NFATC3: variants seen among roughly 807,000 people sequenced by gnomAD.
NFATC3 encodes the protein nuclear factor of activated T-cells, cytoplasmic 3.
NFATC3 carries 46 observed loss-of-function variants against 98.6 expected under a neutral mutation model. The ratio of observed to expected loss-of-function variants is 0.47; its 90% CI spans 0.37 to 0.60. NFATC3 has a LOEUF of 0.60. Among genes scored for constraint, NFATC3 ranks in the 20% least tolerant of loss-of-function variants. The pLI is 0.00. For missense variants in NFATC3, 1,256 were observed against 1,295.5 expected, an observed-to-expected ratio of 0.97 and a Z score of 0.47; for synonymous variants, 512 against 472.2, an observed-to-expected ratio of 1.08 and a Z score of -1.09.
chr16:68,121,091 CA>C (rs528510702), intron 1 of NFATC3, among the ~76,000 whole-genome samples: 7,557 of 139,804 alleles, frequency 0.054, 516 homozygotes, highest in African/African-American at 0.17. Context: ...GTAAATGGGC[CA>C]AAAAAAAAAA....
intron 3 of NFATC3, among the ~76,000 whole-genome samples, chr16:68,137,408 A>G (rs1391774343): frequency 1.3e-5 from 2 of 152,090 alleles, no homozygotes; most frequent in African/African-American, 2.4e-5. Context: ...TACCTGTGGG[A>G]CCACCATTAT....
chr16:68,179,993 C>T lies in NFATC3; in HGVS notation c.1916-1482C>T, dbSNP rs557135035. 9.2e-5 allele frequency among the ~76,000 whole-genome samples: 14 copies of T among 152,290 alleles called. No individual in the cohort carries two copies. The South Asian group carries it at 1.5e-3, about 16-fold the overall frequency. On this transcript the variant is annotated intron_variant, in intron 6 of 9. Transcript: ENST00000346183. The stretch of plus-strand genomic sequence containing the variant: ...TATGGTGCTCCCAAGAAAGCTTCCC[C>T]GCCTGCACCCCAAGAAAGCTTTCAT...
At chr16:68,162,911 C>T (rs979793843) in intron 4 of NFATC3, among the ~76,000 whole-genome samples, 5 of 151,032 alleles carry the variant, frequency 3.3e-5, no homozygotes, top group African/African-American at 1.2e-4. Flanking sequence ...GTGTTTGTGT[C>T]CCTGGGTACT....
At position 68,129,138 on chromosome 16, in the gene NFATC3, G is replaced by A. The variant is rs151231040; in HGVS notation, c.1401+2528G>A. Among the ~76,000 whole-genome samples, 773 of 152,062 alleles carry A rather than the reference G, an allele frequency of 5.1e-3. 8 individuals are homozygous for A. Among genetic ancestry groups the A allele is most frequent in the African/African-American group, 0.017 (700 of 41,476 alleles). ...TAGCCAAGTACAATAAGTAGCATGC[G>A]CCTGTAGTCCCAGCTCTTTCAGAAG... On this transcript the variant is annotated intron_variant, in intron 3 of 9. Coordinates refer to ENST00000346183, the MANE Select transcript of NFATC3 (RefSeq NM_173165.3).
At position 68,190,770 on chromosome 16, in the gene NFATC3, T is replaced by G. The variant is rs754877160; in HGVS notation, c.2101T>G (p.Leu701Val). ...QSQRFTYTPVLMKQEHREEID... is the reference protein window; with the variant it reads ...QSQRFTYTPVVMKQEHREEID... ...TGCTTTAATCATTTTCTTTTCAGTT[T>G]TGATGAAGCAAGAACACAGAGAAGA... is the stretch of plus-strand genomic sequence containing the variant. The change falls in exon 9 of 10, where the codon TTG becomes GTG. Residue 701 changes from leucine (L) to valine (V), a missense_variant and splice_region_variant. Around this residue, in one of 3 missense-constraint regions of NFATC3, gnomAD observed 636 missense variants for 617.3 expected, o/e 1.03. Coordinates refer to ENST00000346183, the MANE Select transcript of NFATC3 (RefSeq NM_173165.3). 6.3e-7 allele frequency: 1 copy of G among 1,590,200 alleles called. No homozygotes were observed. The highest frequency in any genetic ancestry group is 1.1e-5 in the South Asian group (1 of 87,884).
intron 5 of NFATC3, among the ~76,000 whole-genome samples, chr16:68,167,748 A>C (rs1283800482): frequency 6.7e-6 from 1 of 150,014 alleles, no homozygotes; most frequent in African/African-American, 2.5e-5. Context: ...GCTGCCTAGA[A>C]AACAGGTTTT....
At chr16:68,143,681 T>G (rs1040308445) in intron 3 of NFATC3, among the ~76,000 whole-genome samples, 1 of 152,004 alleles carries the variant, frequency 6.6e-6, no homozygotes, top group Admixed American at 6.6e-5. Flanking sequence ...AAGCCCCATC[T>G]CTACTAAAAA....
intron 1 of NFATC3, among the ~76,000 whole-genome samples, chr16:68,090,304 C>T (rs2034634233): frequency 7.3e-6 from 1 of 137,380 alleles, no homozygotes; most frequent in Non-Finnish European, 1.6e-5. Flanking sequence ...AACCCCCCCC[C>T]CCCAACATTT....
chr16:68,199,046 CAAAAAG>C (rs1182587888), intron 9 of NFATC3, among the ~76,000 whole-genome samples: 3 of 150,606 alleles, frequency 2.0e-5, no homozygotes, highest in African/African-American at 7.3e-5. Context: ...GACTCCATCT[CAAAAAG>C]AAAAAGAAAA....
At chr16:68,199,373 G>A (rs1440656523) in intron 9 of NFATC3, among the ~76,000 whole-genome samples, 2 of 148,488 alleles carry the variant, frequency 1.3e-5, no homozygotes, top group Admixed American at 6.7e-5. Flanking sequence ...ACAGGCGCCC[G>A]CCACCACGCC....
chr16:68,101,151 CT>C (rs149826433), intron 1 of NFATC3, among the ~76,000 whole-genome samples: 1 of 151,526 alleles, frequency 6.6e-6, no homozygotes, highest in Non-Finnish European at 1.5e-5. Flanking sequence ...CTTTTCTTTT[CT>C]TTTTTTTGAG....
At chr16:68,203,889 A>G (rs899576880) in intron 9 of NFATC3, among the ~76,000 whole-genome samples, 3 of 151,966 alleles carry the variant, frequency 2.0e-5, no homozygotes, top group African/African-American at 7.2e-5. Context: ...CGTCTCTACT[A>G]AAAACAGTAA....
chr16:68,157,641 A>C (rs548945741), intron 3 of NFATC3, among the ~76,000 whole-genome samples: 2 of 152,306 alleles, frequency 1.3e-5, no homozygotes, highest in South Asian at 2.1e-4. Flanking sequence ...TTAAAAAAAC[A>C]AAACCAAACC....
chr16:68,155,203 A>G (rs1330753539), intron 3 of NFATC3, among the ~76,000 whole-genome samples: 1 of 152,218 alleles, frequency 6.6e-6, no homozygotes, highest in Non-Finnish European at 1.5e-5. Flanking sequence ...AGGCGGGAAT[A>G]AAACTCACCT....
intron 1 of NFATC3, 101 bp from the exon 2 acceptor site, chr16:68,121,886 G>C (rs910198549): frequency 5.1e-6 from 7 of 1,364,786 alleles, no homozygotes; most frequent in Non-Finnish European, 6.9e-6. Context: ...TTTTTCTCTC[G>C]AGATTGTTAT....
rs71382034 is a variant in NFATC3, at chr16:68,192,261, G to GTATATATATATATGTATGTGTA, written c.3106+497_3106+498insATGTATGTGTATATATATATAT. 1.2e-4 allele frequency: 12 copies of GTATATATATATATGTATGTGTA among 101,400 alleles called. 1 individual carries two copies. The East Asian group carries it at 1.4e-3, about 12-fold the overall frequency. The allele number at this position is 101,400 out of a possible 1,614,324, so 6.3% of individuals were successfully genotyped here. A position where few individuals can be genotyped will look rare whatever the true frequency, so the allele number is the denominator to read the frequency against. ...TATATATATATATATATATGTATGT[G>GTATATATATATATGTATGTGTA]TATATATATATGTATGTGTATATAT... On this transcript the variant is annotated intron_variant, in intron 9 of 9. Transcript: ENST00000346183.
At position 68,191,483 on chromosome 16, in the gene NFATC3, G is replaced by A. The variant is rs768117476; in HGVS notation, c.2814G>A (p.Pro938=). Residue 938 remains proline, a synonymous_variant, in exon 9 of 10, where the codon CCG becomes CCA. Coordinates refer to ENST00000346183, the MANE Select transcript of NFATC3 (RefSeq NM_173165.3). ...PAASHPLASS[P]LSGPPSPQLQ... ...CTTCTCATCCCTTGGCTAGTTCACC[G>A]CTTTCTGGGCCACCATCTCCTCAGC... The A allele has an allele frequency of 6.2e-6, 10 of 1,613,860 alleles. No individual in the cohort carries two copies. In the East Asian group the frequency reaches 8.9e-5, roughly 14 times the overall value.
chr16:68,088,916 G>C lies in NFATC3; in HGVS notation c.103+3132G>C, dbSNP rs1426902794. The C allele has an allele frequency of 2.1e-6, 2 of 952,628 alleles. 1 individual carries two copies. Among genetic ancestry groups the C allele is most frequent in the Admixed American group, 1.2e-4 (2 of 16,224 alleles). 59.0% of individuals were successfully genotyped at this position (952,628 alleles called of 1,614,324 possible). The stretch of plus-strand genomic sequence containing the variant: ...GGAACTCCTGGGCTCTCCTGTTCTG[G>C]CTTCCCAAAATGCTGGGATTACAGG... On this transcript the variant is annotated intron_variant, in intron 1 of 9. Transcript: ENST00000346183.
chr16:68,144,802 T>A (rs1302356068), intron 3 of NFATC3, among the ~76,000 whole-genome samples: 2 of 151,986 alleles, frequency 1.3e-5, no homozygotes, highest in African/African-American at 2.4e-5. Flanking sequence ...GGATTACAGG[T>A]GCCTGCCACC....
Sources: gnomAD v4.1 joint callset for allele counts (sites outside exome capture counted in the v4.1 genomes callset) on GRCh38, gnomAD v4.1.1 for gene constraint, gnomAD v4.1.1 regional missense constraint, MANE v1.5 for transcripts, NCBI Gene and HGNC (gene_info 2026-07-23, HGNC 2026-07-21) for gene names.